The following NPSR1 variants were observed in gnomAD, a reference collection of about 807,000 sequenced individuals.
NPSR1 encodes neuropeptide S receptor.
In NPSR1, 48 loss-of-function variants were observed where a neutral mutation model predicts 46.9. The ratio of observed to expected loss-of-function variants is 1.02; its 90% CI spans 0.81 to 1.30. The LOEUF is 1.30. Among genes scored for constraint, NPSR1 ranks in the 50% most tolerant of loss-of-function variants. The probability of loss-of-function intolerance (pLI) is 0.00; values close to 1 mark genes in which losing one functional copy is unlikely to be tolerated. For missense variants in NPSR1, 450 were observed against 449.5 expected (o/e 1.00, Z -0.01); for synonymous variants, 176 against 168.1 (o/e 1.05, Z -0.36).
chr7:34,844,947 T>A lies in NPSR1; in HGVS notation c.809T>A (p.Ile270Asn). The A allele has an allele frequency of 6.2e-7, 1 of 1,613,136 alleles. No individual in the cohort carries two copies. Among genetic ancestry groups the A allele is most frequent in the Non-Finnish European group, 8.5e-7 (1 of 1,179,138 alleles). The change falls in exon 7 of 9, where the codon ATC becomes AAC. Residue 270 changes from isoleucine (I) to asparagine (N), a missense_variant. By Grantham distance (149) the Ile-to-Asn change is moderately radical. Transcript: ENST00000360581. ...YNRGLISKAK[I>N]KAIKYSIIII... ...CGAGGACTCATCTCAAAGGCAAAAA[T>A]CAAGGCTATCAAGTATAGCATCATC...
intron 1 of NPSR1, among the ~76,000 whole-genome samples, chr7:34,683,368 A>G (rs13224828): frequency 0.22 from 33,800 of 150,566 alleles, 4,023 homozygotes; most frequent in South Asian, 0.33. Flanking sequence ...AATGGCATGA[A>G]CCTGGGAGGC....
chr7:34,781,055 G>A (rs1195015411), intron 3 of NPSR1, among the ~76,000 whole-genome samples: 2 of 152,106 alleles, frequency 1.3e-5, no homozygotes, highest in Admixed American at 6.6e-5. Context: ...AGAAGACCAG[G>A]TATATGCCCA....
intron 8 of NPSR1, 28 bp downstream of exon 8, chr7:34,848,691 C>T (rs1417874825): frequency 1.3e-6 from 2 of 1,596,984 alleles, no homozygotes; most frequent in Admixed American, 1.7e-5. Flanking sequence ...ATGGGTCAGA[C>T]ACACTGATGG....
At chr7:34,740,005 A>C (rs1592423) in intron 2 of NPSR1, among the ~76,000 whole-genome samples, 11 of 151,918 alleles carry the variant, frequency 7.2e-5, no homozygotes, top group Admixed American at 2.6e-4. Flanking sequence ...TAGCAGGGTG[A>C]GTAGGAAAGA....
chr7:34,822,617 C>A (rs1208950762), intron 4 of NPSR1, among the ~76,000 whole-genome samples: 1 of 151,992 alleles, frequency 6.6e-6, no homozygotes, highest in Admixed American at 6.5e-5. Flanking sequence ...AATGCTGGAA[C>A]CAGAATAACA....
chr7:34,747,870 C>A (rs1377124643), intron 2 of NPSR1, among the ~76,000 whole-genome samples: 2 of 152,224 alleles, frequency 1.3e-5, no homozygotes, highest in East Asian at 1.9e-4. Context: ...ATTCCAGGAC[C>A]CTATACCTGG....
rs780159330 is a variant in NPSR1 at position 34,848,606 on chromosome 7, G to T, written c.968G>T (p.Ser323Ile). Residue 323 changes from serine (S) to isoleucine (I), a missense_variant, in exon 8 of 9, where the codon AGT (serine) becomes ATT (isoleucine). Transcript: ENST00000360581. The part of the protein sequence containing the change: ...VIIQNLPALN[S>I]AINPLIYCVF... ...ATTCAGAACCTGCCAGCATTGAATA[G>T]TGCCATCAACCCCCTCATCTACTGT... The T allele has an allele frequency of 3.1e-6, 5 of 1,614,046 alleles. No individual in the cohort carries two copies. Among genetic ancestry groups the T allele is most frequent in the Non-Finnish European group, 4.2e-6 (5 of 1,180,030 alleles).
intron 6 of NPSR1, among the ~76,000 whole-genome samples, chr7:34,840,825 C>T (rs192277738): frequency 3.3e-5 from 5 of 152,262 alleles, no homozygotes; most frequent in African/African-American, 7.2e-5. Context: ...GAGGCACAGG[C>T]GGTGGCCTGG....
At position 34,667,624 on chromosome 7, in the gene NPSR1, C is replaced by T. The variant is rs567563113; in HGVS notation, c.147+9065C>T. ...TTGCTAAAGATAAATAAAAAAGAAA[C>T]TTCCTGGGACTCTTTCCTCCTTCTA... On this transcript the variant is annotated intron_variant, in intron 1 of 8. Coordinates refer to ENST00000360581, the MANE Select transcript of NPSR1 (RefSeq NM_207172.2). 1.1e-4 allele frequency among the ~76,000 whole-genome samples: 16 copies of T among 152,260 alleles called. 1 individual carries two copies. The South Asian group carries it at 3.3e-3, about 32-fold the overall frequency.
rs576027489 is a variant in NPSR1, at chr7:34,755,266, T to C, written c.281-23196T>C. On this transcript the variant is annotated intron_variant, in intron 2 of 8. Coordinates refer to ENST00000360581, the MANE Select transcript of NPSR1 (RefSeq NM_207172.2). ...CCTCATCCTCACCAACATTTGTTGT[T>C]TGGGGATTGTTCATTACAAATACAT... Among the ~76,000 whole-genome samples, 6 of 152,290 alleles carry C rather than the reference T, an allele frequency of 3.9e-5. No homozygotes were observed. In the South Asian group the frequency reaches 1.0e-3, roughly 26 times the overall value.
chr7:34,760,979 T>A (rs1373752023), intron 2 of NPSR1: 1 of 152,536 alleles, frequency 6.6e-6, no homozygotes, highest in Non-Finnish European at 1.5e-5. Context: ...ATTTCTAGCA[T>A]CCTAGTAGCT....
At chr7:34,694,203 A>G (rs759192663) in intron 2 of NPSR1, among the ~76,000 whole-genome samples, 7 of 152,164 alleles carry the variant, frequency 4.6e-5, no homozygotes, top group Non-Finnish European at 8.8e-5. Flanking sequence ...AAAAAAAGTC[A>G]AATTACCAAA....
chr7:34,700,777 C>T (rs1793788916), intron 2 of NPSR1, among the ~76,000 whole-genome samples: 1 of 152,136 alleles, frequency 6.6e-6, no homozygotes, highest in African/African-American at 2.4e-5. Context: ...CTCTGAATAT[C>T]AATTTCCCAA....
At chr7:34,827,167 A>T (rs1388694954) in intron 4 of NPSR1, among the ~76,000 whole-genome samples, 1 of 152,202 alleles carries the variant, frequency 6.6e-6, no homozygotes, top group African/African-American at 2.4e-5. Context: ...AAAAAGCACC[A>T]ACCTTAGGCC....
rs1459625218 is a variant in NPSR1, at chr7:34,849,682, T to G, written c.*27T>G. The G allele has an allele frequency of 6.2e-7, 1 of 1,611,880 alleles. No homozygotes were observed. The highest frequency in any genetic ancestry group is 8.5e-7 in the Non-Finnish European group (1 of 1,178,982). On this transcript the variant is annotated 3_prime_UTR_variant, in exon 9 of 9. Coordinates refer to ENST00000360581, the MANE Select transcript of NPSR1 (RefSeq NM_207172.2). ...CCCTAGGGCAGTGCCAGTGCTAGGCTGAGCACCATCAGCTCTCCCAGGTCC... is the reference window on the plus strand; with the variant it reads ...CCCTAGGGCAGTGCCAGTGCTAGGCGGAGCACCATCAGCTCTCCCAGGTCC...
At chr7:34,745,617 C>G (rs1375589757) in intron 2 of NPSR1, among the ~76,000 whole-genome samples, 2 of 152,158 alleles carry the variant, frequency 1.3e-5, no homozygotes, top group East Asian at 3.9e-4. Context: ...CTCCTAGGCT[C>G]AAGCCATCCT....
intron 1 of NPSR1, among the ~76,000 whole-genome samples, chr7:34,674,176 G>A (rs1328052523): frequency 1.3e-5 from 2 of 152,164 alleles, no homozygotes; most frequent in African/African-American, 4.8e-5. Flanking sequence ...GTAGCAGCAG[G>A]TAGGGTGAGA....
intron 8 of NPSR1, among the ~76,000 whole-genome samples, chr7:34,855,089 T>A (rs1417433003): frequency 6.6e-6 from 1 of 152,076 alleles, no homozygotes; most frequent in Non-Finnish European, 1.5e-5. Flanking sequence ...TTGTACTGAA[T>A]GTTAATGAAA....
At chr7:34,828,679 C>G (rs974482715) in intron 5 of NPSR1, among the ~76,000 whole-genome samples, 1 of 152,196 alleles carries the variant, frequency 6.6e-6, no homozygotes, top group African/African-American at 2.4e-5. Flanking sequence ...GTAAAGAGAG[C>G]TGTGATAAAA....
Sources: gnomAD v4.1 joint callset for allele counts (sites outside exome capture counted in the v4.1 genomes callset) on GRCh38, gnomAD v4.1.1 for gene constraint, MANE v1.5 for transcripts, NCBI Gene and HGNC (gene_info 2026-07-23, HGNC 2026-07-21) for gene names.